Variants in TOX2 observed in about 807,000 individuals in gnomAD.
TOX2 encodes granulosa cell HMG box 1.
Under a neutral mutation model 47.4 loss-of-function variants are expected in TOX2, and 15 were observed. That is an observed-to-expected ratio of 0.32 (90% CI 0.21 to 0.49). The LOEUF is 0.49. TOX2 is among the 20% of genes least tolerant of loss of function. The pLI is 0.99. For synonymous variants in TOX2, 290 were observed against 296.6 expected (o/e 0.98, Z 0.23); for missense variants, 622 against 673.1 (o/e 0.92, Z 0.84).
Position 43,915,052 on chromosome 20 carries a change from C to T in TOX2, c.99+62C>T. On this transcript the variant is annotated intron_variant, in intron 1 of 8. Coordinates refer to ENST00000341197, the MANE Select transcript of TOX2 (RefSeq NM_001098797.2). This position sits in a 1 kb window ranked among gnomAD's most constrained non-coding sequence, Gnocchi z 7.1. The stretch of plus-strand genomic sequence containing the variant: ...GCCGGAGTCACCTGGCAGCTCGGGA[C>T]TCAGGCGCTCCCGGGGTCACACGGG... 9.7e-7 allele frequency: 1 copy of T among 1,035,394 alleles called. No individual in the cohort carries two copies. The allele number at this position is 1,035,394 out of a possible 1,614,324, so 64.1% of individuals were successfully genotyped here.
intron 1 of TOX2, among the ~76,000 whole-genome samples, chr20:43,968,637 G>T (rs2069904566): frequency 6.6e-6 from 1 of 152,222 alleles, no homozygotes; most frequent in South Asian, 2.1e-4. Flanking sequence ...GGTTCTTTCA[G>T]ATTCCAAAAC....
intron 3 of TOX2, among the ~76,000 whole-genome samples, chr20:44,022,125 C>T (rs988270044): frequency 9.2e-5 from 14 of 152,212 alleles, no homozygotes; most frequent in Non-Finnish European, 1.6e-4. Flanking sequence ...AACTGTCCTT[C>T]GGGAACAGCC....
chr20:43,924,899 G>A (rs928752012), intron 1 of TOX2, among the ~76,000 whole-genome samples: 17 of 152,258 alleles, frequency 1.1e-4, no homozygotes, highest in African/African-American at 4.1e-4. Context: ...TGTGTCCCGG[G>A]GTGTCCACTG....
intron 5 of TOX2, among the ~76,000 whole-genome samples, chr20:44,055,579 G>A (rs2071602161): frequency 6.6e-6 from 1 of 152,160 alleles, no homozygotes; most frequent in East Asian, 1.9e-4. Context: ...GCAGACCTTG[G>A]AAGTAGTCAG....
intron 5 of TOX2, among the ~76,000 whole-genome samples, chr20:44,058,775 G>T (rs939438825): frequency 6.6e-6 from 1 of 152,188 alleles, no homozygotes; most frequent in Non-Finnish European, 1.5e-5. Context: ...TCCGCTGGGT[G>T]GCTAGATCCA....
intron 4 of TOX2, among the ~76,000 whole-genome samples, chr20:44,054,037 ATTC>A (rs968322093): frequency 6.6e-6 from 1 of 152,164 alleles, no homozygotes; most frequent in African/African-American, 2.4e-5. Flanking sequence ...CATTCTTTCC[ATTC>A]TTTCAGTGAC....
intron 1 of TOX2, among the ~76,000 whole-genome samples, chr20:43,950,859 G>C (rs1002196337): frequency 9.2e-5 from 14 of 151,974 alleles, no homozygotes; most frequent in African/African-American, 2.9e-4. Context: ...CTGTCTCCCA[G>C]GATCCCAGAA....
intron 1 of TOX2, among the ~76,000 whole-genome samples, chr20:43,970,105 A>G (rs372755463): frequency 4.6e-5 from 7 of 152,298 alleles, no homozygotes; most frequent in African/African-American, 1.4e-4. Flanking sequence ...TAGGCTCTAG[A>G]AAAGCATTGG....
intron 2 of TOX2, among the ~76,000 whole-genome samples, chr20:43,991,056 A>G (rs906888042): frequency 6.6e-6 from 1 of 152,164 alleles, no homozygotes; most frequent in Non-Finnish European, 1.5e-5. Flanking sequence ...CACAGGCATG[A>G]ATTGAATTTG....
chr20:44,039,048 A>G (rs2071288215), intron 3 of TOX2: 1 of 1,255,888 alleles, frequency 8.0e-7, no homozygotes, highest in Non-Finnish European at 1.0e-6. Context: ...TGGTTCCCAG[A>G]CATCTCATGA....
chr20:44,067,344 A>G (rs942196220), intron 8 of TOX2, among the ~76,000 whole-genome samples: 2 of 152,164 alleles, frequency 1.3e-5, no homozygotes, highest in African/African-American at 4.8e-5. Flanking sequence ...GCCCTGGAGC[A>G]TGAACGGTGC....
chr20:43,919,344 G>C (rs186144407), intron 1 of TOX2, among the ~76,000 whole-genome samples: 30 of 152,302 alleles, frequency 2.0e-4, no homozygotes, highest in Non-Finnish European at 5.9e-5. Context: ...TATCATGATT[G>C]ATGGGAATAT....
At chr20:44,029,185 G>A (rs2071110753) in intron 3 of TOX2, among the ~76,000 whole-genome samples, 1 of 152,200 alleles carries the variant, frequency 6.6e-6, no homozygotes, top group Non-Finnish European at 1.5e-5. Context: ...GCAGTTCTGT[G>A]GTTTGTCATT....
intron 2 of TOX2, among the ~76,000 whole-genome samples, chr20:44,005,957 A>C (rs2070672558): frequency 6.6e-6 from 1 of 151,338 alleles, no homozygotes; most frequent in Non-Finnish European, 1.5e-5. Context: ...AAAAACAAGG[A>C]AGGACTGGAA....
At chr20:44,030,711 G>T (rs1183752891) in intron 3 of TOX2, among the ~76,000 whole-genome samples, 1 of 152,164 alleles carries the variant, frequency 6.6e-6, no homozygotes, top group Non-Finnish European at 1.5e-5. Context: ...GAGTCCCAGT[G>T]CTCAGCACAG....
In TOX2 at chr20:43,935,134, A is replaced by T. The variant is rs1002953295; in HGVS notation, c.99+20144A>T. On this transcript the variant is annotated intron_variant, in intron 1 of 8. Coordinates refer to ENST00000341197, the MANE Select transcript of TOX2 (RefSeq NM_001098797.2). The stretch of plus-strand genomic sequence containing the variant: ...GAAGGAGCACAAATCATTATCCCAG[A>T]TGAAGACAGATTGGGCTTGGGGTGC... 9.9e-5 allele frequency among the ~76,000 whole-genome samples: 15 copies of T among 152,112 alleles called. 1 individual carries two copies. The highest frequency in any genetic ancestry group is 7.9e-4 in the Admixed American group (12 of 15,272).
intron 3 of TOX2, among the ~76,000 whole-genome samples, chr20:44,007,062 G>A (rs2070697988): frequency 6.6e-6 from 1 of 152,106 alleles, no homozygotes; most frequent in Non-Finnish European, 1.5e-5. Flanking sequence ...GTATTGGTTT[G>A]CATTATTTGT....
chr20:44,039,955 C>T (rs897047924), intron 3 of TOX2, among the ~76,000 whole-genome samples: 4 of 152,094 alleles, frequency 2.6e-5, no homozygotes, highest in Admixed American at 2.0e-4. Context: ...GGCCGAGGGC[C>T]GGGGGGCAGG....
intron 2 of TOX2, among the ~76,000 whole-genome samples, chr20:43,985,500 A>T (rs2070247930): frequency 6.6e-6 from 1 of 152,216 alleles, no homozygotes; most frequent in Non-Finnish European, 1.5e-5. Flanking sequence ...GGACAAGTTA[A>T]CCAAGTTTTC....
Sources: gnomAD v4.1 joint callset for allele counts (sites outside exome capture counted in the v4.1 genomes callset) on GRCh38, gnomAD v4.1.1 for gene constraint, Gnocchi (gnomAD v3.1) non-coding constraint, MANE v1.5 for transcripts, NCBI Gene and HGNC (gene_info 2026-07-23, HGNC 2026-07-21) for gene names.